NMNAT3: variants seen among roughly 807,000 people sequenced by gnomAD.
NMNAT3 encodes the protein nicotinamide/nicotinic acid mononucleotide adenylyltransferase 3.
Under a neutral mutation model 24.8 loss-of-function variants are expected in NMNAT3, and 21 were observed. The observed-to-expected ratio is 0.85, with a 90% CI of 0.60 to 1.22. The LOEUF is 1.22. NMNAT3 is among the 50% of genes most tolerant of loss of function. The pLI, the probability that NMNAT3 is intolerant of heterozygous loss-of-function variation, is 0.00. For synonymous variants in NMNAT3, 136 were observed against 155.2 expected (o/e 0.88, Z 0.92); for missense variants, 387 against 436.6 (o/e 0.89, Z 1.01).
chr3:139,592,027 C>T (rs929693451), intron 3 of NMNAT3, among the ~76,000 whole-genome samples: 33 of 152,108 alleles, frequency 2.2e-4, no homozygotes, highest in Non-Finnish European at 4.0e-4. Flanking sequence ...CTCCAAGCTA[C>T]GGGAGGAAAT....
intron 3 of NMNAT3, among the ~76,000 whole-genome samples, chr3:139,596,499 T>G (rs1220480561): frequency 1.3e-5 from 2 of 152,138 alleles, no homozygotes; most frequent in Middle Eastern, 3.2e-3. Context: ...TCCCACTTAT[T>G]TTTTGTTTTT....
intron 1 of NMNAT3, among the ~76,000 whole-genome samples, chr3:139,669,127 C>T (rs937763994): frequency 3.3e-5 from 5 of 151,976 alleles, no homozygotes; most frequent in African/African-American, 1.2e-4. Context: ...GCATTATGCC[C>T]CAAATTTCTG....
chr3:139,676,844 G>A (rs1401005323), intron 1 of NMNAT3, among the ~76,000 whole-genome samples: 1 of 152,248 alleles, frequency 6.6e-6, no homozygotes, highest in Non-Finnish European at 1.5e-5. Flanking sequence ...ACTTTGCTGA[G>A]AGGCAGGCAC....
intron 3 of NMNAT3, among the ~76,000 whole-genome samples, chr3:139,625,468 TTA>T (rs2056010267): frequency 6.6e-6 from 1 of 152,200 alleles, no homozygotes; most frequent in Admixed American, 6.5e-5. Context: ...CTCTGTATGC[TTA>T]TTAACTATAA....
chr3:139,625,790 T>C (rs1417428682), intron 3 of NMNAT3, among the ~76,000 whole-genome samples: 1 of 152,228 alleles, frequency 6.6e-6, no homozygotes, highest in Non-Finnish European at 1.5e-5. Context: ...ATTATTTTCC[T>C]TCTGCCTGAA....
chr3:139,647,416 T>C (rs529912916), intron 1 of NMNAT3, among the ~76,000 whole-genome samples: 42 of 152,320 alleles, frequency 2.8e-4, no homozygotes, highest in African/African-American at 1.0e-3. Flanking sequence ...GGTCAACAAC[T>C]CCATCAAACT....
intron 1 of NMNAT3, among the ~76,000 whole-genome samples, chr3:139,643,627 G>A (rs570975344): frequency 6.6e-6 from 1 of 152,208 alleles, no homozygotes; most frequent in East Asian, 1.9e-4. Flanking sequence ...AAATAAGCCA[G>A]TCACAAAAGA....
chr3:139,569,288 C>G (rs1937691934), intron 6 of NMNAT3: 1 of 152,112 alleles, frequency 6.6e-6, no homozygotes, highest in Non-Finnish European at 1.5e-5. Context: ...GGTCTTGACT[C>G]TTTATCCAAT....
At chr3:139,645,652 C>T (rs2056846884) in intron 1 of NMNAT3, among the ~76,000 whole-genome samples, 1 of 152,080 alleles carries the variant, frequency 6.6e-6, no homozygotes, top group South Asian at 2.1e-4. Context: ...TGAGTCAGTC[C>T]CCTTTATAAG....
chr3:139,611,014 G>C (rs1431058496), intron 3 of NMNAT3, among the ~76,000 whole-genome samples: 1 of 118,330 alleles, frequency 8.5e-6, no homozygotes, highest in Non-Finnish European at 1.8e-5. Context: ...TCTCCTCAAG[G>C]TTGTCCAAAG....
At chr3:139,622,686 G>A (rs1376342553) in intron 3 of NMNAT3, among the ~76,000 whole-genome samples, 2 of 149,512 alleles carry the variant, frequency 1.3e-5, no homozygotes, top group South Asian at 2.1e-4. Flanking sequence ...TGTGAGCTGA[G>A]ATCATGGCAC....
At chr3:139,570,642 T>C (rs1326381058) in intron 6 of NMNAT3, 1 of 152,562 alleles carries the variant, frequency 6.6e-6, no homozygotes, top group South Asian at 2.1e-4. Flanking sequence ...TCAGCAGTGG[T>C]GGCTGCAGAA....
intron 2 of NMNAT3, among the ~76,000 whole-genome samples, chr3:139,634,070 A>G (rs1051056492): frequency 2.6e-5 from 4 of 152,208 alleles, no homozygotes; most frequent in Non-Finnish European, 5.9e-5. Flanking sequence ...CACTTGGCTC[A>G]CCACGTAATG....
rs1001198367 is a variant in NMNAT3, at chr3:139,591,127, C to G, written c.110-7919G>C. On this transcript the variant is annotated intron_variant, in intron 3 of 6. Coordinates refer to ENST00000643695, the MANE Select transcript of NMNAT3 (RefSeq NM_001320510.2). Reference sequence around the variant, plus strand: ...GTGTGTGTGCGCACCGTGCGCGAGCCGAAGCAGGGCGAGGCATTGCCTCAC... The same window carrying G: ...GTGTGTGTGCGCACCGTGCGCGAGCGGAAGCAGGGCGAGGCATTGCCTCAC... 9.3e-5 allele frequency among the ~76,000 whole-genome samples: 14 copies of G among 150,962 alleles called. 1 individual carries two copies. The highest frequency in any genetic ancestry group is 7.3e-4 in the Admixed American group (11 of 15,172).
At chr3:139,669,094 C>T (rs1476210213) in intron 1 of NMNAT3, among the ~76,000 whole-genome samples, 1 of 152,074 alleles carries the variant, frequency 6.6e-6, no homozygotes, top group Non-Finnish European at 1.5e-5. Flanking sequence ...TTAATAAAGA[C>T]ATAGAGAGTG....
At chr3:139,598,863 T>C (rs6782727) in intron 3 of NMNAT3, among the ~76,000 whole-genome samples, 2,696 of 152,208 alleles carry the variant, frequency 0.018, 78 homozygotes, top group African/African-American at 0.061. Context: ...TCTACTGCAC[T>C]GTACTGATGA....
At chr3:139,575,813 C>G (rs1939212893) in intron 5 of NMNAT3, 6 of 1,197,538 alleles carry the variant, frequency 5.0e-6, no homozygotes, top group Non-Finnish European at 5.3e-6. Flanking sequence ...CACTGGTCTT[C>G]AGGAAAGATT....
At chr3:139,656,639 A>T (rs1576762339) in intron 1 of NMNAT3, among the ~76,000 whole-genome samples, 1 of 152,114 alleles carries the variant, frequency 6.6e-6, no homozygotes, top group East Asian at 1.9e-4. Flanking sequence ...ACTGTTTTTT[A>T]AAAATAGCTG....
chr3:139,596,947 TATATATATATATA>T lies in NMNAT3; in HGVS notation c.110-13752_110-13740del, dbSNP rs1559891109. Among the ~76,000 whole-genome samples the T allele has an allele frequency of 5.1e-4, 66 of 129,338 alleles. 1 individual carries two copies. Among genetic ancestry groups the T allele is most frequent in the African/African-American group, 2.1e-3 (63 of 30,580 alleles). The allele number at this position is 129,338 out of a possible 152,430, so 84.9% of individuals were successfully genotyped here. A position where few individuals can be genotyped will look rare whatever the true frequency, so the allele number is the denominator to read the frequency against. On this transcript the variant is annotated intron_variant, in intron 3 of 6. Transcript: ENST00000643695. Reference sequence around the variant, plus strand: ...ATATATATATATATATATATATATATATATATATATATATATATTTTTATTACATTGCATTACA... The same window carrying T: ...ATATATATATATATATATATATATATTATATTTTTATTACATTGCATTACA...
Sources: allele counts gnomAD v4.1 joint callset (sites outside exome capture counted in the v4.1 genomes callset), GRCh38; gene constraint gnomAD v4.1.1; transcripts MANE v1.5; gene names NCBI Gene and HGNC (gene_info 2026-07-23, HGNC 2026-07-21).